The following DNAJC3 variants were observed in gnomAD, a reference collection of about 807,000 sequenced individuals.
DNAJC3 encodes DnaJ heat shock protein family (Hsp40) member C3.
DNAJC3 carries 38 observed loss-of-function variants against 68.6 expected under a neutral mutation model. That is an observed-to-expected ratio of 0.55 (90% CI 0.43 to 0.73). DNAJC3 has a LOEUF of 0.73. Among genes scored for constraint, DNAJC3 ranks in the 30% least tolerant of loss-of-function variants. The pLI is 0.00. For missense variants in DNAJC3, 526 were observed against 591.9 expected (o/e 0.89, Z 1.16); for synonymous variants, 203 against 204.0 (o/e 1.00, Z 0.04).
intron 11 of DNAJC3, 66 bp from the exon 12 acceptor site, chr13:95,790,806 GA>G: frequency 1.9e-6 from 2 of 1,032,492 alleles, no homozygotes; most frequent in Non-Finnish European, 1.4e-6. Context: ...TCTGCCCAAA[GA>G]AAACATTCCC....
chr13:95,732,777 C>CT (rs201898624), intron 4 of DNAJC3, among the ~76,000 whole-genome samples: 1,772 of 149,596 alleles, frequency 0.012, 39 homozygotes, highest in African/African-American at 0.041. Context: ...TATTTGAAAT[C>CT]TTTTTTTTTA....
intron 9 of DNAJC3, among the ~76,000 whole-genome samples, chr13:95,778,557 C>T (rs1378138148): frequency 6.6e-6 from 1 of 152,164 alleles, no homozygotes; most frequent in African/African-American, 2.4e-5. Context: ...ATTTTGAAGA[C>T]ATTTTGCTAA....
chr13:95,752,662 G>C (rs17882766), intron 4 of DNAJC3, among the ~76,000 whole-genome samples: 1,732 of 152,256 alleles, frequency 0.011, 34 homozygotes, highest in African/African-American at 0.04. Context: ...AGCACTCTCT[G>C]TTATAATAAA....
At chr13:95,773,152 G>GTTTTTTTTTTTTTTT (rs1191609072) in intron 9 of DNAJC3, among the ~76,000 whole-genome samples, 1 of 97,822 alleles carries the variant, frequency 1.0e-5, no homozygotes, top group Non-Finnish European at 2.1e-5. Context: ...GACAAATTTA[G>GTTTTTTTTTTTTTTT]TTTTTTTTTT....
chr13:95,760,607 G>A (rs1199759779), intron 6 of DNAJC3, 72 bp from the exon 7 acceptor site: 8 of 1,531,136 alleles, frequency 5.2e-6, no homozygotes, highest in African/African-American at 1.4e-5. Flanking sequence ...TACTTTTATT[G>A]TGATTTCTGT....
chr13:95,724,288 A>C (rs1211810273), intron 3 of DNAJC3, among the ~76,000 whole-genome samples: 2 of 152,154 alleles, frequency 1.3e-5, no homozygotes, highest in African/African-American at 4.8e-5. Flanking sequence ...AGGGTTAGGA[A>C]AATTTTATTT....
chr13:95,731,571 CTTTG>C (rs998597170), intron 4 of DNAJC3, among the ~76,000 whole-genome samples: 3 of 152,090 alleles, frequency 2.0e-5, no homozygotes, highest in East Asian at 3.8e-4. Context: ...GGTTTTTGCC[CTTTG>C]TTTGTCCATG....
At chr13:95,736,331 T>G (rs891248464) in intron 4 of DNAJC3, among the ~76,000 whole-genome samples, 3 of 151,650 alleles carry the variant, frequency 2.0e-5, no homozygotes, top group Non-Finnish European at 4.4e-5. Flanking sequence ...ATATGAACTT[T>G]AAAGTAGTTT....
chr13:95,683,161 G>A (rs1303047441), intron 1 of DNAJC3, among the ~76,000 whole-genome samples: 2 of 152,180 alleles, frequency 1.3e-5, no homozygotes, highest in Non-Finnish European at 2.9e-5. Flanking sequence ...ACAATACAGT[G>A]TGAGGGAAGG....
At chr13:95,755,662 C>A (rs948396023) in intron 4 of DNAJC3, among the ~76,000 whole-genome samples, 1 of 140,880 alleles carries the variant, frequency 7.1e-6, no homozygotes, top group Non-Finnish European at 1.5e-5. Flanking sequence ...GAGGCTGAGG[C>A]AGGAGAATTG....
chr13:95,717,016 A>G (rs1483895222), intron 2 of DNAJC3, among the ~76,000 whole-genome samples: 2 of 151,992 alleles, frequency 1.3e-5, no homozygotes, highest in African/African-American at 4.8e-5. Flanking sequence ...ATTATGCAGT[A>G]GGTGGTGATG....
chr13:95,755,801 C>T (rs1440190871), intron 4 of DNAJC3, among the ~76,000 whole-genome samples: 3 of 150,056 alleles, frequency 2.0e-5, no homozygotes, highest in Admixed American at 6.6e-5. Context: ...AAAAAAAATC[C>T]CCCAAAACCC....
chr13:95,685,934 T>A (rs964841964), intron 1 of DNAJC3, among the ~76,000 whole-genome samples: 2 of 152,186 alleles, frequency 1.3e-5, no homozygotes, highest in Non-Finnish European at 2.9e-5. Context: ...TATGTCTTCT[T>A]TTGAGAAATG....
intron 4 of DNAJC3, among the ~76,000 whole-genome samples, chr13:95,733,898 T>A (rs549304334): frequency 2.0e-5 from 3 of 152,156 alleles, no homozygotes; most frequent in South Asian, 2.1e-4. Context: ...ATCCATTTTT[T>A]AAAAATCCAT....
chr13:95,759,375 G>A (rs982202277), intron 5 of DNAJC3, among the ~76,000 whole-genome samples: 1 of 152,140 alleles, frequency 6.6e-6, no homozygotes, highest in African/African-American at 2.4e-5. Context: ...GCAGTGGTGC[G>A]ATTGTAGCTC....
intron 11 of DNAJC3, among the ~76,000 whole-genome samples, chr13:95,789,044 G>T (rs1435198116): frequency 6.6e-6 from 1 of 152,092 alleles, no homozygotes; most frequent in Non-Finnish European, 1.5e-5. Flanking sequence ...ACCCCTAAAG[G>T]ACAAGTTACT....
intron 1 of DNAJC3, among the ~76,000 whole-genome samples, chr13:95,707,478 C>T (rs1261337734): frequency 6.6e-6 from 1 of 152,202 alleles, no homozygotes; most frequent in East Asian, 1.9e-4. Context: ...TTAATTGTGA[C>T]TCCAATACCT....
chr13:95,698,764 A>C (rs1394696660), intron 1 of DNAJC3, among the ~76,000 whole-genome samples: 1 of 152,188 alleles, frequency 6.6e-6, no homozygotes, highest in Non-Finnish European at 1.5e-5. Flanking sequence ...GTAATAGCAA[A>C]TGCAAAGGGA....
At chr13:95,700,076 A>G (rs574500807) in intron 1 of DNAJC3, among the ~76,000 whole-genome samples, 1 of 152,160 alleles carries the variant, frequency 6.6e-6, no homozygotes, top group African/African-American at 2.4e-5. Flanking sequence ...TGGCCTCCCA[A>G]AGTGCTGGGA....
Sources: allele counts gnomAD v4.1 joint callset (sites outside exome capture counted in the v4.1 genomes callset), GRCh38; gene constraint gnomAD v4.1.1; transcripts MANE v1.5; gene names NCBI Gene and HGNC (gene_info 2026-07-23, HGNC 2026-07-21).